The following COL27A1 variants were observed in gnomAD, a reference collection of about 807,000 sequenced individuals.
COL27A1 encodes the protein collagen alpha-1(XXVII) chain.
Under a neutral mutation model 251.3 loss-of-function variants are expected in COL27A1, and 106 were observed. The observed-to-expected ratio is 0.42, with a 90% CI of 0.36 to 0.50. The LOEUF is 0.50. COL27A1 is among the 20% of genes least tolerant of loss of function. COL27A1 has a pLI of 0.00. For synonymous variants in COL27A1, 1,000 were observed against 986.3 expected (o/e 1.01, Z -0.26); for missense variants, 2,325 against 2,522.8 (o/e 0.92, Z 1.68).
chr9:114,172,461 T>A (rs1372130165), intron 3 of COL27A1, among the ~76,000 whole-genome samples: 1 of 152,148 alleles, frequency 6.6e-6, no homozygotes, highest in Admixed American at 6.5e-5. Context: ...AGCTCCCACC[T>A]CTGGTGGGGA....
chr9:114,200,189 T>C (rs1829468841), intron 7 of COL27A1, among the ~76,000 whole-genome samples: 1 of 152,166 alleles, frequency 6.6e-6, no homozygotes, highest in Admixed American at 6.5e-5. Flanking sequence ...CCCAATTCCA[T>C]AGAGTTCCTC....
chr9:114,237,595 A>G, intron 18 of COL27A1, 67 bp from the exon 19 acceptor site: 1 of 1,300,912 alleles, frequency 7.7e-7, no homozygotes, highest in South Asian at 1.2e-5. Context: ...CCAGCGGGGG[A>G]ACGCAGGGGG....
At chr9:114,276,110 C>T (rs2062311576) in intron 37 of COL27A1, among the ~76,000 whole-genome samples, 2 of 152,174 alleles carry the variant, frequency 1.3e-5, no homozygotes, top group South Asian at 2.1e-4. Context: ...TGTGCTCTGT[C>T]TAGGACACTC....
At chr9:114,275,274 A>C (rs576387097) in intron 36 of COL27A1, among the ~76,000 whole-genome samples, 2 of 152,054 alleles carry the variant, frequency 1.3e-5, no homozygotes, top group African/African-American at 2.4e-5. Context: ...AAATAAAAAA[A>C]AAAAATCTGC....
At chr9:114,222,494 G>C (rs1477477518) in intron 14 of COL27A1, among the ~76,000 whole-genome samples, 1 of 152,174 alleles carries the variant, frequency 6.6e-6, no homozygotes, top group Non-Finnish European at 1.5e-5. Flanking sequence ...GAGCCCTGCT[G>C]TGTGGCCTCA....
At chr9:114,173,016 C>T (rs115431398) in intron 3 of COL27A1, among the ~76,000 whole-genome samples, 1,723 of 152,298 alleles carry the variant, frequency 0.011, 46 homozygotes, top group African/African-American at 0.039. Flanking sequence ...GTTCAGGGCA[C>T]GAGAGCAACT....
intron 60 of COL27A1, among the ~76,000 whole-genome samples, chr9:114,310,034 C>G (rs1234469015): frequency 1.3e-5 from 2 of 152,006 alleles, no homozygotes; most frequent in Admixed American, 6.5e-5. Flanking sequence ...ATATCCAAAA[C>G]CTTAGAAATG....
chr9:114,264,305 C>G lies in COL27A1; in HGVS notation c.3196-50C>G, dbSNP rs370379273. 1.8e-5 allele frequency: 26 copies of G among 1,461,790 alleles called. 1 individual carries two copies. The highest frequency in any genetic ancestry group is 9.4e-5 in the South Asian group (7 of 74,470). The allele number at this position is 1,461,790 out of a possible 1,614,324, so 90.6% of individuals were successfully genotyped here. On this transcript the variant is annotated intron_variant, in intron 28 of 60. Coordinates refer to ENST00000356083, the MANE Select transcript of COL27A1 (RefSeq NM_032888.4). ...AGCCCCGCCCTCCTGGTTCTCCGCC[C>G]GAGGGAGACCCCTGCTGTCCGGTGT... is the stretch of plus-strand genomic sequence containing the variant.
intron 2 of COL27A1, among the ~76,000 whole-genome samples, chr9:114,163,220 G>A (rs1234544006): frequency 8.2e-6 from 1 of 122,302 alleles, no homozygotes; most frequent in Non-Finnish European, 1.7e-5. Flanking sequence ...GCAAGAGAGC[G>A]AGACTCCGTC....
At chr9:114,269,095 G>C (rs544400611) in intron 34 of COL27A1, 146 bp from the exon 35 acceptor site, 2 of 575,710 alleles carry the variant, frequency 3.5e-6, no homozygotes, top group Non-Finnish European at 6.3e-6. Flanking sequence ...GGTGTTTTAC[G>C]ATTTCTCTGT....
intron 8 of COL27A1, 126 bp from the exon 9 acceptor site, chr9:114,205,633 T>G: frequency 1.1e-6 from 1 of 889,952 alleles, no homozygotes; most frequent in Non-Finnish European, 1.9e-6. Flanking sequence ...CTCCCCTTCC[T>G]CCTGTTCCAT....
chr9:114,159,124 T>C (rs1016392482), intron 1 of COL27A1, among the ~76,000 whole-genome samples: 1 of 152,200 alleles, frequency 6.6e-6, no homozygotes, highest in Non-Finnish European at 1.5e-5. Flanking sequence ...GGAGAATGAA[T>C]GGAGGTTGAA....
chr9:114,270,618 T>C (rs1282660928), intron 35 of COL27A1, 110 bp from the exon 36 acceptor site: 11 of 795,894 alleles, frequency 1.4e-5, no homozygotes, highest in East Asian at 8.0e-5. Flanking sequence ...TCCCACTGCC[T>C]GGAGATCCAT....
intron 37 of COL27A1, among the ~76,000 whole-genome samples, chr9:114,278,881 T>C (rs1835730437): frequency 6.6e-6 from 1 of 152,018 alleles, no homozygotes. Flanking sequence ...AACAGAATTT[T>C]ATGAGCCATC....
At chr9:114,263,932 C>T (rs531430467) in intron 28 of COL27A1, among the ~76,000 whole-genome samples, 22 of 152,368 alleles carry the variant, frequency 1.4e-4, no homozygotes, top group African/African-American at 3.8e-4. Flanking sequence ...TCAGTTTCCC[C>T]TGAGGGCTGT....
intron 11 of COL27A1, 62 bp downstream of exon 11, chr9:114,209,790 C>G: frequency 6.6e-7 from 1 of 1,506,502 alleles, no homozygotes; most frequent in Non-Finnish European, 9.2e-7. Flanking sequence ...AGAGCAGAAC[C>G]TGCCAGGCAC....
At chr9:114,266,795 T>C (rs1834774475) in intron 33 of COL27A1, among the ~76,000 whole-genome samples, 177 bp downstream of exon 33, 1 of 152,156 alleles carries the variant, frequency 6.6e-6, no homozygotes, top group Non-Finnish European at 1.5e-5. Flanking sequence ...AGATCCATCC[T>C]GGTGGCATAG....
chr9:114,235,202 C>T (rs901200923), intron 16 of COL27A1, among the ~76,000 whole-genome samples: 1 of 152,174 alleles, frequency 6.6e-6, no homozygotes, highest in East Asian at 1.9e-4. Context: ...TCCGAAACCA[C>T]GTTGGTGTGG....
At chr9:114,182,174 A>G (rs931921747) in intron 4 of COL27A1, among the ~76,000 whole-genome samples, 7 of 46,482 alleles carry the variant, frequency 1.5e-4, no homozygotes, top group Non-Finnish European at 3.9e-4. Context: ...CTCCATCTCT[A>G]TAAAATAATA....
Sources: gnomAD v4.1 joint callset for allele counts (sites outside exome capture counted in the v4.1 genomes callset) on GRCh38, gnomAD v4.1.1 for gene constraint, MANE v1.5 for transcripts, NCBI Gene and HGNC (gene_info 2026-07-23, HGNC 2026-07-21) for gene names.